The following TESK2 variants were observed in gnomAD, a reference collection of about 807,000 sequenced individuals.
TESK2 encodes testis associated actin remodelling kinase 2.
Under a neutral mutation model 57.1 loss-of-function variants are expected in TESK2, and 39 were observed. The observed-to-expected ratio is 0.68, with a 90% CI of 0.53 to 0.89. The LOEUF is 0.89. Among genes scored for constraint, TESK2 ranks in the 40% least tolerant of loss-of-function variants. The pLI is 0.00. For synonymous variants in TESK2, 249 were observed against 267.9 expected (o/e 0.93, Z 0.69); for missense variants, 646 against 732.1 (o/e 0.88, Z 1.36).
intron 4 of TESK2, among the ~76,000 whole-genome samples, chr1:45,358,075 A>G (rs761911176): frequency 1.5e-4 from 21 of 142,090 alleles, no homozygotes; most frequent in Non-Finnish European, 3.0e-4. Flanking sequence ...GCACTTTGGG[A>G]GGCCAAGGTG....
intron 3 of TESK2, among the ~76,000 whole-genome samples, chr1:45,400,471 C>T (rs930631922): frequency 6.6e-6 from 1 of 152,058 alleles, no homozygotes; most frequent in Non-Finnish European, 1.5e-5. Context: ...ATGATAGCCA[C>T]AGAAAACTAA....
intron 1 of TESK2, among the ~76,000 whole-genome samples, chr1:45,477,322 T>A (rs72896190): frequency 0.046 from 7,006 of 152,258 alleles, 571 homozygotes; most frequent in African/African-American, 0.16. Context: ...GGAATTTCTT[T>A]AACTTTCTGA....
intron 3 of TESK2, among the ~76,000 whole-genome samples, chr1:45,421,139 C>T (rs1650459748): frequency 6.6e-6 from 1 of 152,010 alleles, no homozygotes; most frequent in Admixed American, 6.6e-5. Flanking sequence ...CCTGTAGTTC[C>T]AGCTGCTCAG....
rs576835048 is a variant in TESK2, at chr1:45,397,802, T to C, written c.345-11842A>G. Among the ~76,000 whole-genome samples, 13 of 152,294 alleles carry C rather than the reference T, an allele frequency of 8.5e-5. No individual in the cohort carries two copies. In the South Asian group the frequency reaches 2.1e-3, roughly 24 times the overall value. ...CATTTTTCAAAGCTCTATGAATCCT[T>C]AAAAACTTGGCTCAAGAACACCTCC... On this transcript the variant is annotated intron_variant, in intron 3 of 10. Coordinates refer to ENST00000372086, the MANE Select transcript of TESK2 (RefSeq NM_007170.3).
intron 1 of TESK2, among the ~76,000 whole-genome samples, chr1:45,479,424 GA>G (rs950827635): frequency 2.0e-5 from 3 of 149,744 alleles, no homozygotes; most frequent in East Asian, 3.9e-4. Flanking sequence ...ACTGCAGAAA[GA>G]AAAAAAAAAT....
At chr1:45,479,340 A>G (rs1319829322) in intron 1 of TESK2, among the ~76,000 whole-genome samples, 2 of 152,208 alleles carry the variant, frequency 1.3e-5, no homozygotes, top group East Asian at 3.8e-4. Context: ...TGTGGAAGTC[A>G]TTGTGAAGAA....
At chr1:45,397,341 TAG>T (rs1649411190) in intron 3 of TESK2, among the ~76,000 whole-genome samples, 1 of 152,214 alleles carries the variant, frequency 6.6e-6, no homozygotes, top group African/African-American at 2.4e-5. Context: ...CAGTTGATTA[TAG>T]AGTCTGTGTT....
intron 2 of TESK2, among the ~76,000 whole-genome samples, chr1:45,423,073 G>C (rs924473012): frequency 6.6e-6 from 1 of 151,970 alleles, no homozygotes; most frequent in African/African-American, 2.4e-5. Flanking sequence ...AAAAAAAAAT[G>C]AGGGAAAATT....
intron 4 of TESK2, among the ~76,000 whole-genome samples, chr1:45,378,946 G>A (rs1648541110): frequency 1.3e-5 from 2 of 152,058 alleles, no homozygotes; most frequent in Non-Finnish European, 2.9e-5. Context: ...ACCATGTGGT[G>A]GTTAACAGCT....
chr1:45,415,100 A>C, intron 3 of TESK2: 1 of 1,436,808 alleles, frequency 7.0e-7, no homozygotes. Flanking sequence ...AGCTGTTTGC[A>C]GACAAGTTTC....
intron 2 of TESK2, among the ~76,000 whole-genome samples, chr1:45,437,106 T>C (rs539402597): frequency 6.6e-6 from 1 of 152,294 alleles, no homozygotes; most frequent in African/African-American, 2.4e-5. Flanking sequence ...AACATTGGTA[T>C]CTTGATAGGG....
At chr1:45,430,697 G>A (rs1465851710) in intron 2 of TESK2, among the ~76,000 whole-genome samples, 2 of 152,188 alleles carry the variant, frequency 1.3e-5, no homozygotes, top group Non-Finnish European at 2.9e-5. Flanking sequence ...TGTGGTGGCT[G>A]ACAAGTCACT....
In TESK2 at chr1:45,346,769, A is replaced by G; in HGVS notation, c.803T>C (p.Leu268Pro). 1 of 1,614,124 alleles carries G rather than the reference A, an allele frequency of 6.2e-7. No individual in the cohort carries two copies. The highest frequency in any genetic ancestry group is 8.5e-7 in the Non-Finnish European group (1 of 1,179,990). The change falls in exon 9 of 11, where the codon CTG becomes CCG. Residue 268 changes from leucine to proline, a missense_variant. Physicochemically the swap from Leu to Pro is moderately conservative, Grantham distance 98 (BLOSUM62 -3). Transcript: ENST00000372086. ...CATGTGCTGGAAAGCATCATAGTCC[A>G]GCCCGAAATTCTGTGGATGGGTATG... is the stretch of plus-strand genomic sequence containing the variant. ...DYLPRTENFG[L>P]DYDAFQHMVG... is the part of the protein sequence containing the mutation.
intron 1 of TESK2, among the ~76,000 whole-genome samples, chr1:45,483,492 G>T (rs893273645): frequency 6.6e-6 from 1 of 151,786 alleles, no homozygotes; most frequent in African/African-American, 2.4e-5. Flanking sequence ...CAGCTACTCG[G>T]GAGGCTGAAG....
intron 1 of TESK2, among the ~76,000 whole-genome samples, chr1:45,468,650 A>G (rs1652649109): frequency 1.3e-5 from 2 of 152,188 alleles, no homozygotes; most frequent in South Asian, 4.1e-4. Context: ...ATCTATTGAT[A>G]CTAATAGTGT....
intron 1 of TESK2, among the ~76,000 whole-genome samples, chr1:45,479,797 A>T (rs1653139405): frequency 6.6e-6 from 1 of 150,578 alleles, no homozygotes; most frequent in African/African-American, 2.4e-5. Context: ...AAAGGACTGA[A>T]ATGCAGAAGG....
chr1:45,353,233 T>TG, intron 5 of TESK2, among the ~76,000 whole-genome samples: 1 of 152,184 alleles, frequency 6.6e-6, no homozygotes. Flanking sequence ...CAAAACATTC[T>TG]GGGGGAGAAG....
intron 1 of TESK2, among the ~76,000 whole-genome samples, chr1:45,484,554 G>A (rs1164238176): frequency 1.3e-5 from 2 of 148,150 alleles, no homozygotes; most frequent in Non-Finnish European, 3.0e-5. Context: ...TGGCCAACAC[G>A]GTGAAACCAC....
intron 1 of TESK2, among the ~76,000 whole-genome samples, chr1:45,466,271 T>A (rs907709174): frequency 3.1e-4 from 47 of 152,072 alleles, no homozygotes; most frequent in African/African-American, 8.9e-4. Flanking sequence ...GGTCAAGAGA[T>A]CGAGACCATC....
Sources: gnomAD v4.1 joint callset for allele counts (sites outside exome capture counted in the v4.1 genomes callset) on GRCh38, gnomAD v4.1.1 for gene constraint, MANE v1.5 for transcripts, NCBI Gene and HGNC (gene_info 2026-07-23, HGNC 2026-07-21) for gene names.